Variants in DMXL2 observed in about 807,000 individuals in gnomAD.
The protein encoded by DMXL2 is Dmx like 2.
DMXL2 carries 103 observed loss-of-function variants against 331.1 expected under a neutral mutation model. The observed-to-expected ratio is 0.31, with a 90% CI of 0.27 to 0.37. The LOEUF is 0.37. Among genes scored for constraint, DMXL2 ranks in the 10% least tolerant of loss-of-function variants. The pLI is 1.00. For missense variants in DMXL2, 3,171 were observed against 3,642.9 expected (o/e 0.87, Z 3.33); for synonymous variants, 1,281 against 1,252.1 (o/e 1.02, Z -0.49).
rs2040498826 is a variant in DMXL2 at position 51,465,579 on chromosome 15, T to G, written c.7593A>C (p.Gly2531=). The G allele has an allele frequency of 6.2e-7, 1 of 1,601,424 alleles. No individual in the cohort carries two copies. Among genetic ancestry groups the G allele is most frequent in the Admixed American group, 1.7e-5 (1 of 57,796 alleles). The change falls in exon 31 of 44, where the codon GGA becomes GGC. Residue 2531 remains glycine, a synonymous_variant. Transcript: ENST00000560891. ...HNVKNFFPIA[G]LEFSELPVTS... ...TTCCAAACTCACCAGAGAATTCCAG[T>G]CCAGCAATAGGAAAGAAATTCTTGA...
chr15:51,527,948 G>A (rs1389660229), intron 13 of DMXL2, among the ~76,000 whole-genome samples: 1 of 151,532 alleles, frequency 6.6e-6, no homozygotes, highest in Admixed American at 6.6e-5. Flanking sequence ...ACAAAGTTAA[G>A]GAGTAGAGCC....
chr15:51,581,329 G>A (rs1002170338), intron 1 of DMXL2, among the ~76,000 whole-genome samples: 4 of 152,060 alleles, frequency 2.6e-5, no homozygotes, highest in African/African-American at 7.2e-5. Flanking sequence ...TTCACCCCTC[G>A]CTGTAGAAAA....
At chr15:51,576,677 A>G (rs2051070794) in intron 1 of DMXL2, among the ~76,000 whole-genome samples, 1 of 152,204 alleles carries the variant, frequency 6.6e-6, no homozygotes, top group African/African-American at 2.4e-5. Context: ...CAACAAAGGC[A>G]GAATTACATG....
At chr15:51,449,634 A>G (rs2038961543) in intron 43 of DMXL2, among the ~76,000 whole-genome samples, 1 of 152,226 alleles carries the variant, frequency 6.6e-6, no homozygotes, top group Admixed American at 6.5e-5. Flanking sequence ...GTTAGTCTCA[A>G]TAAACTCATA....
Position 51,507,593 on chromosome 15 carries a change from T to C in DMXL2, c.2645-340A>G, listed in dbSNP as rs147442997. On this transcript the variant is annotated intron_variant, in intron 15 of 43. Transcript: ENST00000560891. ...AGTTCACACAAATACCAAAAAAGGG[T>C]ACATAAAAAAGAAAGCAAAGGAAAG... 5.3e-5 allele frequency among the ~76,000 whole-genome samples: 8 copies of C among 151,594 alleles called. No individual in the cohort carries two copies. In the East Asian group the frequency reaches 1.6e-3, roughly 29 times the overall value.
At chr15:51,528,572 T>C (rs1017984839) in intron 13 of DMXL2, among the ~76,000 whole-genome samples, 1 of 152,014 alleles carries the variant, frequency 6.6e-6, no homozygotes, top group Admixed American at 6.6e-5. Flanking sequence ...AGCAAGAGAA[T>C]ATAACAATTT....
chr15:51,560,666 C>T (rs2049904434), intron 6 of DMXL2, among the ~76,000 whole-genome samples: 8 of 139,182 alleles, frequency 5.7e-5, no homozygotes, highest in Admixed American at 4.4e-4. Flanking sequence ...GAGACTCAGT[C>T]TCAAAAAAAA....
intron 1 of DMXL2, among the ~76,000 whole-genome samples, chr15:51,601,307 A>T (rs1046051692): frequency 1.1e-4 from 16 of 151,106 alleles, no homozygotes; most frequent in Non-Finnish European, 1.6e-4. Flanking sequence ...AAAAAAAAAA[A>T]TTTGATGTTT....
chr15:51,518,411 T>C (rs2047158766), intron 13 of DMXL2, among the ~76,000 whole-genome samples: 2 of 152,172 alleles, frequency 1.3e-5, no homozygotes, highest in East Asian at 1.9e-4. Context: ...TGGCCTATAG[T>C]TGGTGAGGTG....
chr15:51,592,400 A>C (rs1451755469), intron 1 of DMXL2, among the ~76,000 whole-genome samples: 1 of 152,236 alleles, frequency 6.6e-6, no homozygotes, highest in African/African-American at 2.4e-5. Context: ...AAAGCCTCCA[A>C]GAAATATGGG....
intron 2 of DMXL2, among the ~76,000 whole-genome samples, chr15:51,573,847 A>AAT (rs994611138): frequency 8.6e-4 from 131 of 152,182 alleles, no homozygotes; most frequent in African/African-American, 2.9e-3. Flanking sequence ...TATAATAAAA[A>AAT]ATATATATAT....
At chr15:51,616,918 C>T (rs896681113) in intron 1 of DMXL2, among the ~76,000 whole-genome samples, 18 of 112,886 alleles carry the variant, frequency 1.6e-4, no homozygotes, top group African/African-American at 6.2e-4. Flanking sequence ...GCCTGGGTGA[C>T]AGAGTGAGAC....
intron 1 of DMXL2, among the ~76,000 whole-genome samples, chr15:51,615,199 G>A (rs181252034): frequency 6.6e-6 from 1 of 152,212 alleles, no homozygotes; most frequent in Non-Finnish European, 1.5e-5. Flanking sequence ...CTTCAAGGAG[G>A]AGATGTCAAA....
chr15:51,578,417 C>T (rs2051190289), intron 1 of DMXL2, among the ~76,000 whole-genome samples: 1 of 152,118 alleles, frequency 6.6e-6, no homozygotes, highest in South Asian at 2.1e-4. Flanking sequence ...GCTTTTTACT[C>T]TTCCCTAGAT....
chr15:51,506,528 A>G (rs917139778), intron 16 of DMXL2, among the ~76,000 whole-genome samples: 1 of 140,972 alleles, frequency 7.1e-6, no homozygotes, highest in African/African-American at 2.7e-5. Flanking sequence ...ATCTCAGCTC[A>G]CTGCAACCTC....
At chr15:51,472,402 T>C (rs1199468245) in intron 28 of DMXL2, among the ~76,000 whole-genome samples, 1 of 152,246 alleles carries the variant, frequency 6.6e-6, no homozygotes, top group Non-Finnish European at 1.5e-5. Context: ...TTAACAATTT[T>C]AAAGTGTACA....
intron 6 of DMXL2, among the ~76,000 whole-genome samples, chr15:51,562,512 T>C (rs2050033556): frequency 6.6e-6 from 1 of 151,916 alleles, no homozygotes; most frequent in African/African-American, 2.4e-5. Context: ...AATCCGAAAA[T>C]GGTAGCTCTG....
At chr15:51,530,811 A>T (rs1318221500) in intron 13 of DMXL2, among the ~76,000 whole-genome samples, 1 of 152,096 alleles carries the variant, frequency 6.6e-6, no homozygotes, top group Non-Finnish European at 1.5e-5. Flanking sequence ...AATATTAAGA[A>T]CCTAGGAATT....
rs901735335 is a variant in DMXL2 at position 51,576,315 on chromosome 15, T to C, written c.88-134A>G. On this transcript the variant is annotated intron_variant, in intron 1 of 43. Transcript: ENST00000560891. ...TTGGGACATTTTACAAAATAGTTAATATAATATCAATTTCTAAATAAGAAC... is the reference window on the plus strand; with the variant it reads ...TTGGGACATTTTACAAAATAGTTAACATAATATCAATTTCTAAATAAGAAC... The C allele has an allele frequency of 1.3e-5, 8 of 630,826 alleles. No individual in the cohort carries two copies. In the South Asian group the frequency reaches 2.9e-4, roughly 23 times the overall value. 39.1% of individuals were successfully genotyped at this position (630,826 alleles called of 1,614,324 possible).
Sources: gnomAD v4.1 joint callset for allele counts (sites outside exome capture counted in the v4.1 genomes callset) on GRCh38, gnomAD v4.1.1 for gene constraint, MANE v1.5 for transcripts, NCBI Gene and HGNC (gene_info 2026-07-23, HGNC 2026-07-21) for gene names.